Variants in MMP24 observed in about 807,000 individuals in gnomAD.
MMP24 encodes the protein matrix metallopeptidase 24.
MMP24 carries 25 observed loss-of-function variants against 62.8 expected under a neutral mutation model. The observed-to-expected ratio is 0.40, with a 90% CI of 0.29 to 0.56. The LOEUF (loss-of-function observed/expected upper bound fraction) is 0.56, where lower values mean the gene tolerates loss of function less well. Among genes scored for constraint, MMP24 ranks in the 20% least tolerant of loss-of-function variants. The pLI, the probability that MMP24 is intolerant of heterozygous loss-of-function variation, is 0.50. For synonymous variants in MMP24, 319 were observed against 350.5 expected (o/e 0.91, Z 1.00); for missense variants, 634 against 853.6 (o/e 0.74, Z 3.21).
chr20:35,259,212 A>C (rs1299268688), intron 4 of MMP24, among the ~76,000 whole-genome samples: 1 of 152,192 alleles, frequency 6.6e-6, no homozygotes, highest in African/African-American at 2.4e-5. Context: ...TACTTTTTAA[A>C]AAAATAGGAA....
At chr20:35,268,328 C>T (rs2146238696) in intron 6 of MMP24, among the ~76,000 whole-genome samples, 1 of 152,322 alleles carries the variant, frequency 6.6e-6, no homozygotes, top group Non-Finnish European at 1.5e-5. Context: ...GGCAACAAGC[C>T]CTTCTCTGAA....
intron 6 of MMP24, 138 bp downstream of exon 6, chr20:35,267,557 G>A (rs2060642803): frequency 1.1e-6 from 1 of 882,108 alleles, no homozygotes; most frequent in Non-Finnish European, 1.7e-6. Flanking sequence ...CAGTGGCCAG[G>A]GCATGGGGTC....
Position 35,269,545 on chromosome 20 carries a change from A to G in MMP24, c.1195-215A>G, listed in dbSNP as rs1405365427. 6.6e-6 allele frequency among the ~76,000 whole-genome samples: 1 copy of G among 151,906 alleles called. No homozygotes were observed. The highest frequency in any genetic ancestry group is 2.4e-5 in the African/African-American group (1 of 41,354). On this transcript the variant is annotated intron_variant, in intron 6 of 8. Coordinates refer to ENST00000246186, the MANE Select transcript of MMP24 (RefSeq NM_006690.4). The surrounding 1 kb of genome is among the most constrained non-coding windows in gnomAD (Gnocchi z 4.6). ...ACCAGGCCTGTCTGCTGTTTGTCTCATTGTCCACCCAGCAGCAAGAGTCAG... is the reference window on the plus strand; with the variant it reads ...ACCAGGCCTGTCTGCTGTTTGTCTCGTTGTCCACCCAGCAGCAAGAGTCAG...
In MMP24 at chr20:35,264,006, GCCTA is replaced by G. The variant is rs766460200; in HGVS notation, c.979+58_979+61del. The G allele has an allele frequency of 2.3e-4, 353 of 1,517,172 alleles. 1 individual carries two copies. The East Asian group carries it at 8.2e-3, about 35-fold the overall frequency. The allele number at this position is 1,517,172 out of a possible 1,614,324, so 94.0% of individuals were successfully genotyped here. A position where few individuals can be genotyped will look rare whatever the true frequency, so the allele number is the denominator to read the frequency against. On this transcript the variant is annotated intron_variant, in intron 5 of 8. Coordinates refer to ENST00000246186, the MANE Select transcript of MMP24 (RefSeq NM_006690.4). ...CCTTCCTCGGGGCTGGGCTGTGACT[GCCTA>G]CCTGTCATGGGGCAGGGGACGAGGG... is the stretch of plus-strand genomic sequence containing the variant.
intron 1 of MMP24, among the ~76,000 whole-genome samples, chr20:35,239,827 CA>C (rs2060480872): frequency 6.6e-6 from 1 of 151,930 alleles, no homozygotes; most frequent in Non-Finnish European, 1.5e-5. Context: ...AACAAACAAA[CA>C]AAAAAGGAAA....
chr20:35,276,067 T>C lies in MMP24; in HGVS notation c.*1458T>C, dbSNP rs2060703839. ...AGGTGTCAGGCAGTCTCCAGCGTGC[T>C]GGCCGGGTCTCGGATGCCACCCCTG... On this transcript the variant is annotated 3_prime_UTR_variant, in exon 9 of 9. Transcript: ENST00000246186. 1 of 398,588 alleles carries C rather than the reference T, an allele frequency of 2.5e-6. No individual in the cohort carries two copies. Among genetic ancestry groups the C allele is most frequent in the Admixed American group, 4.4e-5 (1 of 22,708 alleles). The allele number at this position is 398,588 out of a possible 1,614,324, so 24.7% of individuals were successfully genotyped here.
intron 4 of MMP24, among the ~76,000 whole-genome samples, chr20:35,260,137 T>C (rs1306813131): frequency 6.6e-6 from 1 of 152,046 alleles, no homozygotes; most frequent in Non-Finnish European, 1.5e-5. Flanking sequence ...GGGGTCCTCA[T>C]AGCAGGCCTC....
At chr20:35,249,735 C>T (rs1443182006) in intron 2 of MMP24, among the ~76,000 whole-genome samples, 2 of 151,766 alleles carry the variant, frequency 1.3e-5, no homozygotes, top group African/African-American at 4.8e-5. Context: ...ACTACAGGGG[C>T]CCGCCACCAC....
At chr20:35,256,663 G>A (rs1272803014) in intron 4 of MMP24, among the ~76,000 whole-genome samples, 1 of 140,288 alleles carries the variant, frequency 7.1e-6, no homozygotes, top group Non-Finnish European at 1.5e-5. Flanking sequence ...AGGTTACAGT[G>A]AGCCGAGATC....
intron 6 of MMP24, among the ~76,000 whole-genome samples, chr20:35,268,576 G>A (rs1226147965): frequency 6.6e-6 from 1 of 152,228 alleles, no homozygotes; most frequent in Non-Finnish European, 1.5e-5. Context: ...CAAAAACCTG[G>A]ATGTGAAAGT....
At chr20:35,258,876 A>G (rs2060588009) in intron 4 of MMP24, among the ~76,000 whole-genome samples, 2 of 151,878 alleles carry the variant, frequency 1.3e-5, no homozygotes, top group East Asian at 1.9e-4. Flanking sequence ...CACCTCCTCC[A>G]TGTGTTTAAA....
At chr20:35,257,309 G>T (rs141593590) in intron 4 of MMP24, among the ~76,000 whole-genome samples, 1 of 152,208 alleles carries the variant, frequency 6.6e-6, no homozygotes, top group East Asian at 1.9e-4. Flanking sequence ...CGTTTCCTTT[G>T]CCCTGGTATC....
intron 2 of MMP24, 95 bp downstream of exon 2, chr20:35,247,083 CCCTT>C: frequency 7.1e-7 from 1 of 1,416,942 alleles, no homozygotes; most frequent in Non-Finnish European, 9.8e-7. Flanking sequence ...TGCCCATCCT[CCCTT>C]CCTATCTTTT....
chr20:35,270,781 C>G (rs191008542), intron 7 of MMP24, among the ~76,000 whole-genome samples: 1 of 152,172 alleles, frequency 6.6e-6, no homozygotes, highest in East Asian at 1.9e-4. Flanking sequence ...GGCTCACGCC[C>G]GAAATCCCAG....
intron 1 of MMP24, among the ~76,000 whole-genome samples, chr20:35,242,134 C>T (rs2060491153): frequency 6.6e-6 from 1 of 152,104 alleles, no homozygotes; most frequent in African/African-American, 2.4e-5. Flanking sequence ...GAGTTCAAGA[C>T]CAGCCTGGCC....
Position 35,274,450 on chromosome 20 carries a change from C to G in MMP24, c.1779C>G (p.Ile593Met), listed in dbSNP as rs150234484. 708 of 1,614,024 alleles carry G rather than the reference C, an allele frequency of 4.4e-4. 1 individual carries two copies. The highest frequency in any genetic ancestry group is 5.7e-4 in the Non-Finnish European group (678 of 1,179,872). ...PQDDVDIMVT[I>M]NDVPGSVNAV... ...ACGACGTGGACATCATGGTGACCAT[C>G]AACGATGTGCCGGGCTCCGTGAACG... Residue 593 changes from isoleucine to methionine, a missense_variant, in exon 9 of 9, where the codon ATC becomes ATG. Transcript: ENST00000246186. The surrounding 1 kb of genome is among the most constrained non-coding windows in gnomAD (Gnocchi z 5.1).
intron 1 of MMP24, among the ~76,000 whole-genome samples, chr20:35,238,690 A>G (rs1259168913): frequency 6.6e-6 from 1 of 152,152 alleles, no homozygotes; most frequent in African/African-American, 2.4e-5. Flanking sequence ...ACGCTTTCCT[A>G]GTAGCCACAG....
chr20:35,262,666 A>AC (rs2060610175), intron 4 of MMP24: 1 of 145,926 alleles, frequency 6.9e-6, no homozygotes, highest in Non-Finnish European at 1.5e-5. Flanking sequence ...CTCAGCACAG[A>AC]CCCTTTACGG....
chr20:35,237,472 G>A (rs1032976133), intron 1 of MMP24, among the ~76,000 whole-genome samples: 4 of 152,134 alleles, frequency 2.6e-5, no homozygotes, highest in African/African-American at 9.7e-5. Flanking sequence ...TGGATAATCC[G>A]GGCTAATCTC....
Sources: allele counts gnomAD v4.1 joint callset (sites outside exome capture counted in the v4.1 genomes callset), GRCh38; gene constraint gnomAD v4.1.1; non-coding constraint Gnocchi (gnomAD v3.1); transcripts MANE v1.5; gene names NCBI Gene and HGNC (gene_info 2026-07-23, HGNC 2026-07-21).